The following VPS35L variants were observed in gnomAD, a reference collection of about 807,000 sequenced individuals.
VPS35L encodes the protein VPS35 endosomal protein sorting factor like.
VPS35L carries 83 observed loss-of-function variants against 133.0 expected under a neutral mutation model. That is an observed-to-expected ratio of 0.62 (90% confidence interval 0.52 to 0.75). The LOEUF (loss-of-function observed/expected upper bound fraction) is 0.75. Ranked by LOEUF, VPS35L falls within the 30% of genes least tolerant of loss-of-function variation. The probability of loss-of-function intolerance (pLI) is 0.00; values close to 1 mark genes in which losing one functional copy is unlikely to be tolerated. For missense variants in VPS35L, 1,083 were observed against 1,206.8 expected (o/e 0.90, Z 1.52); for synonymous variants, 423 against 449.9 (o/e 0.94, Z 0.76).
intron 27 of VPS35L, among the ~76,000 whole-genome samples, chr16:19,671,680 G>A (rs1248412137): frequency 2.0e-5 from 3 of 151,906 alleles, no homozygotes; most frequent in Non-Finnish European, 2.9e-5. Context: ...GGGAGGCTGC[G>A]GCAGGAGAAT....
At chr16:19,571,141 A>C (rs1384890260) in intron 3 of VPS35L, among the ~76,000 whole-genome samples, 1 of 151,704 alleles carries the variant, frequency 6.6e-6, no homozygotes, top group Non-Finnish European at 1.5e-5. Flanking sequence ...AAAGTGCTGC[A>C]ATTACAGGCG....
intron 2 of VPS35L, chr16:19,569,209 C>G: frequency 4.2e-6 from 3 of 708,768 alleles, no homozygotes; most frequent in Non-Finnish European, 7.6e-6. Flanking sequence ...TTAACACTTC[C>G]TAACCCTAAC....
intron 29 of VPS35L, among the ~76,000 whole-genome samples, chr16:19,693,707 C>T (rs1210659890): frequency 2.6e-5 from 4 of 151,484 alleles, no homozygotes; most frequent in African/African-American, 9.7e-5. Context: ...TCGCTTAAAC[C>T]CGGGAGGCGG....
chr16:19,607,365 G>C (rs1183582025), intron 9 of VPS35L, among the ~76,000 whole-genome samples: 1 of 152,194 alleles, frequency 6.6e-6, no homozygotes, highest in African/African-American at 2.4e-5. Flanking sequence ...GAAAGAAGAA[G>C]TGAGGGAAGG....
intron 14 of VPS35L, among the ~76,000 whole-genome samples, chr16:19,621,351 C>G (rs1159870547): frequency 1.3e-5 from 2 of 152,158 alleles, no homozygotes; most frequent in Non-Finnish European, 2.9e-5. Context: ...TCGCATCTTT[C>G]TTGATGCATG....
In VPS35L at chr16:19,628,674, T is replaced by C; in HGVS notation, c.1421T>C (p.Leu474Ser). The change falls in exon 17 of 31, where the codon TTG becomes TCG. Residue 474 changes from leucine (L) to serine (S), a missense_variant. Coordinates refer to ENST00000417362, the MANE Select transcript of VPS35L (RefSeq NM_020314.7). ...CGATCACTGGGATTAAACTTGGCCTTGGCTGATCCTCCTGAGAGTGACCGA... is the reference window on the plus strand; with the variant it reads ...CGATCACTGGGATTAAACTTGGCCTCGGCTGATCCTCCTGAGAGTGACCGA... ...LFRSLGLNLA[L>S]ADPPESDRLQ... The C allele has an allele frequency of 6.2e-7, 1 of 1,604,354 alleles. No homozygotes were observed. The highest frequency in any genetic ancestry group is 8.5e-7 in the Non-Finnish European group (1 of 1,173,546).
At chr16:19,661,968 A>C (rs548561910) in intron 26 of VPS35L, among the ~76,000 whole-genome samples, 1 of 152,228 alleles carries the variant, frequency 6.6e-6, no homozygotes, top group South Asian at 2.1e-4. Context: ...TTGTATGTTC[A>C]AGAAAAATTA....
intron 24 of VPS35L, among the ~76,000 whole-genome samples, chr16:19,650,014 C>A (rs1054206523): frequency 6.6e-6 from 1 of 152,100 alleles, no homozygotes; most frequent in Non-Finnish European, 1.5e-5. Flanking sequence ...AAATGGTGTG[C>A]TTTGGAGTTG....
chr16:19,604,449 C>A (rs1349624236), intron 9 of VPS35L, among the ~76,000 whole-genome samples: 1 of 152,198 alleles, frequency 6.6e-6, no homozygotes, highest in Non-Finnish European at 1.5e-5. Flanking sequence ...ATTCTTCCCT[C>A]TCCAAATAAC....
Position 19,587,096 on chromosome 16 carries a change from A to AAGAG in VPS35L, c.640-4678_640-4675dup, listed in dbSNP as rs58638665. On this transcript the variant is annotated intron_variant, in intron 7 of 30. Transcript: ENST00000417362. ...TTTCCATAGCAGAGCAGGAGAGAGAAAGAGAGAGAGAGAGAGAGAACAGGG... is the reference window on the plus strand; with the variant it reads ...TTTCCATAGCAGAGCAGGAGAGAGAAAGAGAGAGAGAGAGAGAGAGAGAACAGGG... 2.3e-3 allele frequency among the ~76,000 whole-genome samples: 316 copies of AAGAG among 139,392 alleles called. 7 individuals carry two copies. The East Asian group carries it at 0.079, about 35-fold the overall frequency. The allele number at this position is 139,392 out of a possible 152,430, so 91.4% of individuals were successfully genotyped here.
At position 19,688,605 on chromosome 16, in the gene VPS35L, G is replaced by A. The variant is rs876184; in HGVS notation, c.2528-2748G>A. The stretch of plus-strand genomic sequence containing the variant: ...AAGCAGCGAGTGCCGCCGCCGCACC[G>A]TCCCCCTTCCTGACCACTGAGTGCT... On this transcript the variant is annotated intron_variant, in intron 28 of 30. Transcript: ENST00000417362. 8.3e-3 allele frequency among the ~76,000 whole-genome samples: 1,269 copies of A among 152,256 alleles called. 19 individuals are homozygous for A. Among genetic ancestry groups the A allele is most frequent in the African/African-American group, 0.029 (1,195 of 41,552 alleles).
chr16:19,561,152 G>A (rs539257888), intron 1 of VPS35L, among the ~76,000 whole-genome samples: 253 of 152,086 alleles, frequency 1.7e-3, no homozygotes, highest in African/African-American at 5.4e-3. Flanking sequence ...GGCAGATCAC[G>A]AGGTCGGGAG....
intron 14 of VPS35L, among the ~76,000 whole-genome samples, chr16:19,620,433 T>C (rs758995470): frequency 3.9e-5 from 6 of 152,194 alleles, no homozygotes; most frequent in Non-Finnish European, 5.9e-5. Context: ...GCATTATAGT[T>C]ATGTAAATGG....
At position 19,633,110 on chromosome 16, in the gene VPS35L, G is replaced by A. The variant is rs757440621; in HGVS notation, c.1573G>A (p.Val525Ile). The A allele has an allele frequency of 8.1e-6, 13 of 1,614,014 alleles. No homozygotes were observed. The highest frequency in any genetic ancestry group is 6.7e-5 in the Admixed American group (4 of 60,000). ...KHFTKREVNT[V>I]LADVIKHMTP... ...TGCTTAGAAACGAGAGGTGAATACC[G>A]TTTTGGCAGATGTCATCAAGCACAT... The change falls in exon 19 of 31, where the codon GTT becomes ATT. Residue 525 changes from valine to isoleucine, a missense_variant. Coordinates refer to ENST00000417362, the MANE Select transcript of VPS35L (RefSeq NM_020314.7). The surrounding 1 kb of genome is among the most constrained non-coding windows in gnomAD (Gnocchi z 4.1).
chr16:19,623,903 A>G (rs1435598205), intron 14 of VPS35L, among the ~76,000 whole-genome samples: 1 of 149,748 alleles, frequency 6.7e-6, no homozygotes, highest in East Asian at 2.0e-4. Flanking sequence ...TCCCAGGCTC[A>G]AGTGATGCCC....
chr16:19,562,994 G>A (rs1433309660), intron 1 of VPS35L, among the ~76,000 whole-genome samples: 1 of 151,800 alleles, frequency 6.6e-6, no homozygotes, highest in Non-Finnish European at 1.5e-5. Context: ...CAAACTCCTG[G>A]GCTCAAGCAG....
intron 27 of VPS35L, among the ~76,000 whole-genome samples, chr16:19,677,318 C>T (rs1597425511): frequency 6.6e-6 from 1 of 152,012 alleles, no homozygotes; most frequent in Non-Finnish European, 1.5e-5. Context: ...CTCCTGACCT[C>T]GTGATCCACC....
intron 29 of VPS35L, among the ~76,000 whole-genome samples, chr16:19,697,274 G>C (rs966055717): frequency 6.6e-6 from 1 of 152,216 alleles, no homozygotes; most frequent in Admixed American, 6.5e-5. Flanking sequence ...CCGGAGTGGG[G>C]AGGGGAGGTG....
rs1971937269 is a variant in VPS35L at position 19,588,296 on chromosome 16, CCCA to C, written c.640-3491_640-3489del. Among the ~76,000 whole-genome samples the C allele has an allele frequency of 2.0e-5, 3 of 152,138 alleles. No homozygotes were observed. In the South Asian group the frequency reaches 6.2e-4, roughly 32 times the overall value. On this transcript the variant is annotated intron_variant, in intron 7 of 30. Transcript: ENST00000417362. ...TCACCTCCCAGATTCAAGCGATTCT[CCCA>C]CCTCAGCCTCCCGAGTAGCTTGGAT... is the stretch of plus-strand genomic sequence containing the variant.
Sources: gnomAD v4.1 joint callset for allele counts (sites outside exome capture counted in the v4.1 genomes callset) on GRCh38, gnomAD v4.1.1 for gene constraint, Gnocchi (gnomAD v3.1) non-coding constraint, MANE v1.5 for transcripts, NCBI Gene and HGNC (gene_info 2026-07-23, HGNC 2026-07-21) for gene names.